Variants in GLO1 observed in about 807,000 individuals in gnomAD.
GLO1 encodes lactoylglutathione lyase.
In GLO1, 28 loss-of-function variants were observed where a neutral mutation model predicts 26.0. The ratio of observed to expected loss-of-function variants is 1.08; its 90% confidence interval spans 0.80 to 1.48. The LOEUF (loss-of-function observed/expected upper bound fraction) is 1.48. Among genes scored for constraint, GLO1 ranks in the 40% most tolerant of loss-of-function variants. The pLI, the probability that GLO1 is intolerant of heterozygous loss-of-function variation, is 0.00. For synonymous variants in GLO1, 78 were observed against 77.6 expected, an observed-to-expected ratio of 1.00 and a Z score of -0.03; for missense variants, 225 against 224.8, an observed-to-expected ratio of 1.00 and a Z score of -0.01.
chr6:38,681,891 G>A (rs1480102253), intron 5 of GLO1, 121 bp downstream of exon 5: 1 of 644,252 alleles, frequency 1.6e-6, no homozygotes, highest in South Asian at 2.0e-5. Context: ...TTAAAACTCT[G>A]GTTGAAGTGG....
chr6:38,688,592 C>A (rs1582777680), intron 1 of GLO1, among the ~76,000 whole-genome samples: 1 of 152,134 alleles, frequency 6.6e-6, no homozygotes, highest in East Asian at 1.9e-4. Flanking sequence ...AGGAAGCCAC[C>A]TGCAGGACAA....
chr6:38,702,212 C>T (rs1761713949), intron 1 of GLO1, among the ~76,000 whole-genome samples: 1 of 152,164 alleles, frequency 6.6e-6, no homozygotes, highest in African/African-American at 2.4e-5. Flanking sequence ...CAGGCGTGAG[C>T]CACCGCGCCC....
chr6:38,699,783 G>A (rs960817193), intron 1 of GLO1, among the ~76,000 whole-genome samples: 11 of 152,002 alleles, frequency 7.2e-5, no homozygotes, highest in African/African-American at 2.2e-4. Flanking sequence ...CTCTGCTCTC[G>A]AACCCTGTTT....
At chr6:38,683,478 A>C (rs1170250425) in intron 3 of GLO1, among the ~76,000 whole-genome samples, 2 of 152,272 alleles carry the variant, frequency 1.3e-5, no homozygotes, top group East Asian at 3.8e-4. Flanking sequence ...AATGTAGCAA[A>C]ATAATAAAAG....
At chr6:38,699,093 A>G (rs1440005136) in intron 1 of GLO1, among the ~76,000 whole-genome samples, 3 of 152,168 alleles carry the variant, frequency 2.0e-5, no homozygotes, top group African/African-American at 7.2e-5. Flanking sequence ...ACTGCAACCA[A>G]TAACATTTAA....
chr6:38,677,581 C>A (rs1439905754), intron 5 of GLO1, among the ~76,000 whole-genome samples, 198 bp from the exon 6 acceptor site: 1 of 152,106 alleles, frequency 6.6e-6, no homozygotes, highest in Non-Finnish European at 1.5e-5. Flanking sequence ...CCTTGCCTGG[C>A]TAATTTTTTG....
At chr6:38,688,557 C>T (rs1221818049) in intron 1 of GLO1, among the ~76,000 whole-genome samples, 1 of 152,182 alleles carries the variant, frequency 6.6e-6, no homozygotes, top group Non-Finnish European at 1.5e-5. Flanking sequence ...GTAGCTGCTT[C>T]TCTATTGATT....
intron 1 of GLO1, among the ~76,000 whole-genome samples, chr6:38,687,634 AG>A (rs1761475874): frequency 6.6e-6 from 1 of 152,230 alleles, no homozygotes; most frequent in African/African-American, 2.4e-5. Context: ...AGGAAACAGA[AG>A]GCTTGACTGA....
At chr6:38,692,842 TG>T (rs1470430596) in intron 1 of GLO1, among the ~76,000 whole-genome samples, 1 of 150,716 alleles carries the variant, frequency 6.6e-6, no homozygotes. Context: ...GACTGATTTT[TG>T]TATACTGAAC....
At chr6:38,697,635 A>G (rs1761631332) in intron 1 of GLO1, among the ~76,000 whole-genome samples, 1 of 152,262 alleles carries the variant, frequency 6.6e-6, no homozygotes, top group African/African-American at 2.4e-5. Flanking sequence ...ACCATAAGCA[A>G]CAAACACAAT....
Position 38,676,952 on chromosome 6 carries a change from A to G in GLO1, c.*343T>C, listed in dbSNP as rs1562478560. The stretch of plus-strand genomic sequence containing the variant: ...AGATAACTACAACAAAAACATGTTA[A>G]TTTTTTTTTAAAAATGATGATTCAA... On this transcript the variant is annotated 3_prime_UTR_variant, in exon 6 of 6. Coordinates refer to ENST00000373365, the MANE Select transcript of GLO1 (RefSeq NM_006708.3). 5.2e-6 allele frequency: 1 copy of G among 192,298 alleles called. No individual in the cohort carries two copies. The allele number at this position is 192,298 out of a possible 1,614,324, so 11.9% of individuals were successfully genotyped here.
At chr6:38,694,671 C>A (rs9369075) in intron 1 of GLO1, among the ~76,000 whole-genome samples, 29,217 of 151,484 alleles carry the variant, frequency 0.19, 3,637 homozygotes, top group African/African-American at 0.34. Context: ...AGGAGTGACA[C>A]CCTATCTCAA....
chr6:38,699,057 C>T (rs1761653954), intron 1 of GLO1, among the ~76,000 whole-genome samples: 2 of 152,184 alleles, frequency 1.3e-5, no homozygotes. Flanking sequence ...ATGTTAGCCT[C>T]TTCCACCACT....
At chr6:38,693,903 G>A (rs1202239615) in intron 1 of GLO1, among the ~76,000 whole-genome samples, 4 of 152,002 alleles carry the variant, frequency 2.6e-5, no homozygotes, top group Middle Eastern at 6.8e-3. Context: ...GTAGAGACGG[G>A]GTTTCACCAT....
intron 1 of GLO1, among the ~76,000 whole-genome samples, chr6:38,693,836 G>A (rs551822359): frequency 1.5e-4 from 23 of 151,472 alleles, no homozygotes; most frequent in Non-Finnish European, 3.2e-4. Flanking sequence ...TCAGCCTCCC[G>A]AGTAGCTGGG....
In GLO1 at chr6:38,682,002, G is replaced by A. The variant is rs749275087; in HGVS notation, c.466+10C>T. 1.5e-6 allele frequency: 2 copies of A among 1,345,076 alleles called. No individual in the cohort carries two copies. Among genetic ancestry groups the A allele is most frequent in the Non-Finnish European group, 1.1e-6 (1 of 934,300 alleles). The allele number at this position is 1,345,076 out of a possible 1,614,324, so 83.3% of individuals were successfully genotyped here. A position where few individuals can be genotyped will look rare whatever the true frequency, so the allele number is the denominator to read the frequency against. On this transcript the variant is annotated intron_variant, in intron 5 of 5. Transcript: ENST00000373365. ...AAGACAGGCCTGAACACAGTAAGTA[G>A]TAGACTCACCATCATCAGGTTTCTT... is the stretch of plus-strand genomic sequence containing the variant.
chr6:38,696,368 T>A (rs568460107), intron 1 of GLO1, among the ~76,000 whole-genome samples: 1 of 152,266 alleles, frequency 6.6e-6, no homozygotes, highest in Admixed American at 6.5e-5. Context: ...TTGCCTCTTA[T>A]CTTAGTCCAT....
intron 3 of GLO1, among the ~76,000 whole-genome samples, chr6:38,683,386 A>C (rs1761411975): frequency 6.6e-6 from 1 of 152,246 alleles, no homozygotes; most frequent in African/African-American, 2.4e-5. Context: ...AGTTATAAAA[A>C]TACCAAATTT....
rs776172656 is a variant in GLO1, at chr6:38,702,972, T to C, written c.83A>G (p.Lys28Arg). The C allele has an allele frequency of 1.3e-6, 2 of 1,552,836 alleles. No homozygotes were observed. Among genetic ancestry groups the C allele is most frequent in the Non-Finnish European group, 1.8e-6 (2 of 1,126,094 alleles). Residue 28 changes from lysine (K) to arginine (R), a missense_variant and splice_region_variant, in exon 1 of 6, where the codon AAG becomes AGG. Physicochemically the swap from Lys to Arg is conservative, Grantham distance 26. Coordinates refer to ENST00000373365, the MANE Select transcript of GLO1 (RefSeq NM_006708.3). Reference protein sequence around the residue: ...SCCSDADPSTKDFLLQQTMLR... With the variant: ...SCCSDADPSTRDFLLQQTMLR... The stretch of plus-strand genomic sequence containing the variant: ...CGTTCCCTTCGGTCCTGTGCCCACC[T>C]TGGTACTGGGGTCCGCGTCGGAGCA...
Sources: allele counts gnomAD v4.1 joint callset (sites outside exome capture counted in the v4.1 genomes callset), GRCh38; gene constraint gnomAD v4.1.1; transcripts MANE v1.5; gene names NCBI Gene and HGNC (gene_info 2026-07-23, HGNC 2026-07-21).